The following NRG1 variants were observed in gnomAD, a reference collection of about 807,000 sequenced individuals.
NRG1 encodes pro-neuregulin-1, membrane-bound isoform.
A neutral mutation model predicts 63.8 loss-of-function variants in NRG1; 18 were observed. The ratio of observed to expected loss-of-function variants is 0.28; its 90% CI spans 0.19 to 0.42. The LOEUF is 0.42. NRG1 is among the 10% of genes least tolerant of loss of function. The pLI is 1.00. For synonymous variants in NRG1, 302 were observed against 301.3 expected, an observed-to-expected ratio of 1.00 and a Z score of -0.02; for missense variants, 762 against 814.7, an observed-to-expected ratio of 0.94 and a Z score of 0.79.
intron 1 of NRG1, among the ~76,000 whole-genome samples, chr8:31,666,598 C>T (rs939764652): frequency 2.0e-5 from 3 of 152,192 alleles, no homozygotes; most frequent in African/African-American, 4.8e-5. Context: ...CATTCAATTA[C>T]TTTGATGGTT....
intron 1 of NRG1, among the ~76,000 whole-genome samples, chr8:32,470,279 C>A (rs924288255): frequency 5.3e-5 from 8 of 151,144 alleles, no homozygotes; most frequent in Non-Finnish European, 1.2e-4. Context: ...CTCCCGGGTT[C>A]ACGCCATTCT....
chr8:32,138,218 A>T (rs1835796162), intron 1 of NRG1, among the ~76,000 whole-genome samples: 1 of 152,016 alleles, frequency 6.6e-6, no homozygotes. Context: ...AGTGGATTTA[A>T]ACATCAGGGG....
At chr8:32,289,537 C>G (rs1853946094) in intron 1 of NRG1, among the ~76,000 whole-genome samples, 1 of 152,016 alleles carries the variant, frequency 6.6e-6, no homozygotes, top group Non-Finnish European at 1.5e-5. Context: ...ATGTTAAGTT[C>G]AGCTTACAAA....
intron 1 of NRG1, among the ~76,000 whole-genome samples, chr8:31,901,565 C>T (rs1257517158): frequency 4.6e-5 from 7 of 152,164 alleles, no homozygotes. Context: ...GGCCAAAGAT[C>T]CATTTTAACA....
At position 32,567,127 on chromosome 8, in the gene NRG1, T is replaced by TG. The variant is rs536922564; in HGVS notation, c.100+18302dup. Among the ~76,000 whole-genome samples, 366 of 152,294 alleles carry TG rather than the reference T, an allele frequency of 2.4e-3. 4 individuals are homozygous for TG. Among genetic ancestry groups the TG allele is most frequent in the African/African-American group, 8.1e-3 (337 of 41,564 alleles). ...TGCTGGGATTACAGGCATGAGCCAC[T>TG]GCACCTGGCCAGTAGCATTCTTTGG... is the stretch of plus-strand genomic sequence containing the variant. On this transcript the variant is annotated intron_variant, in intron 1 of 11. Transcript: ENST00000356819.
intron 5 of NRG1, among the ~76,000 whole-genome samples, chr8:32,690,353 C>T (rs1267267454): frequency 1.3e-5 from 2 of 152,014 alleles, no homozygotes; most frequent in South Asian, 2.1e-4. Flanking sequence ...GAGGCAGCTT[C>T]AGCGACTCCT....
intron 1 of NRG1, among the ~76,000 whole-genome samples, chr8:32,585,618 A>G (rs1382554749): frequency 1.3e-5 from 2 of 152,218 alleles, no homozygotes; most frequent in Admixed American, 6.5e-5. Context: ...CCCTTGTGGC[A>G]TTTGGCATAT....
intron 1 of NRG1, among the ~76,000 whole-genome samples, chr8:32,223,106 A>T (rs552102978): frequency 6.6e-6 from 1 of 152,380 alleles, no homozygotes; most frequent in African/African-American, 2.4e-5. Context: ...TTTGCCAAAA[A>T]TAAATAGCAA....
chr8:32,743,407 C>T (rs1767510790), intron 7 of NRG1, among the ~76,000 whole-genome samples: 1 of 151,416 alleles, frequency 6.6e-6, no homozygotes, highest in African/African-American at 2.4e-5. Context: ...TTTATGTTAC[C>T]ATTTCTTTAT....
At chr8:32,355,930 T>C (rs1806323594) in intron 1 of NRG1, among the ~76,000 whole-genome samples, 1 of 152,128 alleles carries the variant, frequency 6.6e-6, no homozygotes, top group Admixed American at 6.5e-5. Context: ...TCTGTCCCAA[T>C]AAAGGTTGAG....
intron 1 of NRG1, among the ~76,000 whole-genome samples, chr8:32,580,424 C>A (rs948028197): frequency 1.3e-5 from 2 of 152,120 alleles, no homozygotes; most frequent in Admixed American, 6.6e-5. Context: ...CTAAAATTTT[C>A]TGAGAACCTA....
rs550707053 is a variant in NRG1 at position 31,963,865 on chromosome 8, G to A, written c.37+324434G>A. On this transcript the variant is annotated intron_variant, in intron 1 of 10. Coordinates refer to the NRG1 transcript ENST00000519301. ...GAGTTATCTCCGTAACTCTAGGTCA[G>A]TCATGCCATTTTAATAGGTGAATTG... Among the ~76,000 whole-genome samples, 4 of 152,318 alleles carry A rather than the reference G, an allele frequency of 2.6e-5. No individual in the cohort carries two copies. In the East Asian group the frequency reaches 7.7e-4, roughly 29 times the overall value.
intron 5 of NRG1, among the ~76,000 whole-genome samples, chr8:32,662,467 T>G (rs1024849046): frequency 6.6e-5 from 10 of 151,548 alleles, no homozygotes; most frequent in African/African-American, 2.4e-4. Context: ...CCGAAAGAGA[T>G]GAGGAATTAT....
intron 1 of NRG1, among the ~76,000 whole-genome samples, chr8:31,995,864 C>G (rs562321713): frequency 6.6e-6 from 1 of 152,056 alleles, no homozygotes; most frequent in Admixed American, 6.6e-5. Flanking sequence ...TTTCTCTTGT[C>G]CCACATGCTT....
chr8:32,634,986 T>C (rs561270752), intron 5 of NRG1, among the ~76,000 whole-genome samples: 49 of 152,336 alleles, frequency 3.2e-4, no homozygotes, highest in African/African-American at 1.2e-3. Flanking sequence ...TGCATACTGA[T>C]TGTAAAGATT....
chr8:32,548,771 G>A (rs1020474765), exon 1 of NRG1: 58 of 1,590,976 alleles, frequency 3.6e-5, no homozygotes, highest in Non-Finnish European at 5.0e-5. Context: ...AGGGCAAGAA[G>A]AAGGAGCGAG....
At chr8:31,878,681 A>G (rs1171340306) in intron 1 of NRG1, among the ~76,000 whole-genome samples, 1 of 152,192 alleles carries the variant, frequency 6.6e-6, no homozygotes, top group Non-Finnish European at 1.5e-5. Context: ...CTAATTTGTA[A>G]GATTGGCTGG....
At chr8:32,073,194 C>G (rs559685179) in intron 1 of NRG1, among the ~76,000 whole-genome samples, 3 of 152,138 alleles carry the variant, frequency 2.0e-5, no homozygotes, top group Non-Finnish European at 4.4e-5. Flanking sequence ...CATTCACTAT[C>G]TTGTCATTAC....
At position 31,909,943 on chromosome 8, in the gene NRG1, G is replaced by A. The variant is rs142312173; in HGVS notation, c.37+270512G>A. On this transcript the variant is annotated intron_variant, in intron 1 of 10. Transcript: ENST00000519301. ...GATGTGAGGTCAAGAGGGTGAACATGGCAGATGTGGCATTTATGCGATTAC... is the reference window on the plus strand; with the variant it reads ...GATGTGAGGTCAAGAGGGTGAACATAGCAGATGTGGCATTTATGCGATTAC... Among the ~76,000 whole-genome samples, 380 of 152,260 alleles carry A rather than the reference G, an allele frequency of 2.5e-3. 3 individuals carry two copies. Among genetic ancestry groups the A allele is most frequent in the Admixed American group, 4.4e-3 (68 of 15,282 alleles).
Sources: gnomAD v4.1 joint callset for allele counts (sites outside exome capture counted in the v4.1 genomes callset) on GRCh38, gnomAD v4.1.1 for gene constraint, MANE v1.5 for transcripts, NCBI Gene and HGNC (gene_info 2026-07-23, HGNC 2026-07-21) for gene names.